ZCWPW2: variants seen among roughly 807,000 people sequenced by gnomAD.
ZCWPW2 encodes the protein zinc finger CW-type and PWWP domain containing 2.
ZCWPW2 carries 45 observed loss-of-function variants against 46.6 expected under a neutral mutation model. That is an observed-to-expected ratio of 0.96 (90% CI 0.76 to 1.24). ZCWPW2 has a LOEUF of 1.24. Ranked by LOEUF, ZCWPW2 falls within the 50% of genes most tolerant of loss-of-function variation. ZCWPW2 has a pLI of 0.00. For synonymous variants in ZCWPW2, 152 were observed against 137.1 expected, an observed-to-expected ratio of 1.11 and a Z score of -0.76; for missense variants, 429 against 403.9, an observed-to-expected ratio of 1.06 and a Z score of -0.53.
intron 2 of ZCWPW2, among the ~76,000 whole-genome samples, chr3:28,408,840 A>C (rs1696273043): frequency 1.3e-5 from 2 of 152,158 alleles, no homozygotes; most frequent in Admixed American, 1.3e-4. Flanking sequence ...GTTCACATAG[A>C]CTGTCAATAC....
intron 4 of ZCWPW2, among the ~76,000 whole-genome samples, chr3:28,462,838 T>C (rs549527185): frequency 3.3e-5 from 5 of 152,296 alleles, no homozygotes; most frequent in African/African-American, 9.6e-5. Context: ...TATGCAGAAA[T>C]AGCACAAACC....
At chr3:28,515,989 C>A (rs1041760005) in intron 8 of ZCWPW2, among the ~76,000 whole-genome samples, 2 of 152,004 alleles carry the variant, frequency 1.3e-5, no homozygotes, top group African/African-American at 4.8e-5. Flanking sequence ...GCCTGTAATC[C>A]TAGCACCTTG....
chr3:28,499,716 T>G (rs1261123584), intron 6 of ZCWPW2, among the ~76,000 whole-genome samples: 2 of 152,118 alleles, frequency 1.3e-5, no homozygotes, highest in African/African-American at 4.8e-5. Context: ...AGTCATGAAG[T>G]CTTTGCCCAT....
intron 1 of ZCWPW2, among the ~76,000 whole-genome samples, chr3:28,374,984 G>T (rs948520298): frequency 1.3e-5 from 2 of 151,262 alleles, no homozygotes; most frequent in South Asian, 2.1e-4. Flanking sequence ...TTTAATATTT[G>T]CTTTGTATAC....
chr3:28,405,886 T>G (rs1393962263), intron 2 of ZCWPW2, among the ~76,000 whole-genome samples: 1 of 152,128 alleles, frequency 6.6e-6, no homozygotes, highest in African/African-American at 2.4e-5. Flanking sequence ...AGAATGTTGG[T>G]AGAAATATAG....
intron 6 of ZCWPW2, among the ~76,000 whole-genome samples, chr3:28,497,071 A>G (rs1297982159): frequency 2.0e-5 from 3 of 149,980 alleles, no homozygotes; most frequent in Non-Finnish European, 4.4e-5. Context: ...TATAATACAT[A>G]AGTATTTATA....
chr3:28,417,057 CTTTTTTTT>C lies in ZCWPW2; in HGVS notation c.332+3667_332+3674del, dbSNP rs762824707. Among the ~76,000 whole-genome samples, 10 of 124,686 alleles carry C rather than the reference CTTTTTTTT, an allele frequency of 8.0e-5. No homozygotes were observed. In the South Asian group the frequency reaches 2.1e-3, roughly 26 times the overall value. The allele number at this position is 124,686 out of a possible 152,430, so 81.8% of individuals were successfully genotyped here. On this transcript the variant is annotated intron_variant, in intron 3 of 9. Transcript: ENST00000383768. ...AAATGAGTTAGGCAGGATTCCCTCT[CTTTTTTTT>C]TTTTTTTTTGAAAAGGTCAACAAAA... is the stretch of plus-strand genomic sequence containing the variant.
At chr3:28,505,097 T>G (rs2125827305) in intron 6 of ZCWPW2, among the ~76,000 whole-genome samples, 1 of 152,272 alleles carries the variant, frequency 6.6e-6, no homozygotes, top group South Asian at 2.1e-4. Flanking sequence ...ATCAAAGCCC[T>G]TTTATGCCTT....
chr3:28,401,569 A>T (rs1695937723), intron 2 of ZCWPW2, among the ~76,000 whole-genome samples: 1 of 152,208 alleles, frequency 6.6e-6, no homozygotes, highest in Admixed American at 6.5e-5. Flanking sequence ...TTTAAAGTAT[A>T]CCCTGGAACA....
chr3:28,409,205 T>G (rs1373816906), intron 2 of ZCWPW2, among the ~76,000 whole-genome samples: 2 of 148,950 alleles, frequency 1.3e-5, no homozygotes, highest in Non-Finnish European at 3.0e-5. Flanking sequence ...CTGCAACTTC[T>G]GCCTCTCTGG....
At chr3:28,516,625 A>G (rs1700581160) in intron 8 of ZCWPW2, among the ~76,000 whole-genome samples, 1 of 152,190 alleles carries the variant, frequency 6.6e-6, no homozygotes. Flanking sequence ...TATCAGTGAT[A>G]TATTCCCTTT....
chr3:28,366,693 G>A (rs62251136), intron 1 of ZCWPW2, among the ~76,000 whole-genome samples: 14,967 of 134,962 alleles, frequency 0.11, no homozygotes, highest in Admixed American at 0.17. Context: ...TTTTTCTATT[G>A]ATTGGAATAG....
intron 6 of ZCWPW2, among the ~76,000 whole-genome samples, chr3:28,501,747 A>G (rs1005738696): frequency 1.3e-5 from 2 of 152,062 alleles, no homozygotes; most frequent in African/African-American, 4.8e-5. Flanking sequence ...GTAAATCTTA[A>G]CATACAAAGT....
chr3:28,515,494 G>A (rs1435191293), intron 7 of ZCWPW2, 60 bp from the exon 8 acceptor site: 2 of 1,251,444 alleles, frequency 1.6e-6, no homozygotes, highest in East Asian at 2.4e-5. Flanking sequence ...AGGCACAAAT[G>A]GTCATTTAAA....
intron 3 of ZCWPW2, chr3:28,428,527 A>G (rs1482788627): frequency 6.6e-6 from 1 of 152,176 alleles, no homozygotes; most frequent in African/African-American, 2.4e-5. Context: ...AACTTCCTAG[A>G]ATCCGAATTT....
At chr3:28,420,576 T>A (rs1575113260) in intron 3 of ZCWPW2, among the ~76,000 whole-genome samples, 1 of 151,414 alleles carries the variant, frequency 6.6e-6, no homozygotes. Flanking sequence ...TTAATTATAC[T>A]TTATGTTGTT....
At chr3:28,370,472 C>G (rs1363328988) in intron 1 of ZCWPW2, among the ~76,000 whole-genome samples, 1 of 151,982 alleles carries the variant, frequency 6.6e-6, no homozygotes, top group Non-Finnish European at 1.5e-5. Flanking sequence ...CATATGGGCA[C>G]AAAAGAATAC....
intron 4 of ZCWPW2, chr3:28,460,967 G>T: frequency 3.9e-6 from 1 of 257,618 alleles, no homozygotes; most frequent in African/African-American, 2.2e-5. Flanking sequence ...TATTTCTTTA[G>T]ATTATGAGAT....
rs550255817 is a variant in ZCWPW2 at position 28,417,517 on chromosome 3, A to G, written c.332+4117A>G. 6.6e-5 allele frequency among the ~76,000 whole-genome samples: 10 copies of G among 152,192 alleles called. 1 individual carries two copies. The South Asian group carries it at 2.1e-3, about 32-fold the overall frequency. ...GGAATCTTCCCTAACTCATTTTATG[A>G]GGCCAGCATCATCCTGATACCAAAG... On this transcript the variant is annotated intron_variant, in intron 3 of 9. Coordinates refer to ENST00000383768, the MANE Select transcript of ZCWPW2 (RefSeq NM_001040432.4).
Sources: gnomAD v4.1 joint callset for allele counts (sites outside exome capture counted in the v4.1 genomes callset) on GRCh38, gnomAD v4.1.1 for gene constraint, MANE v1.5 for transcripts, NCBI Gene and HGNC (gene_info 2026-07-23, HGNC 2026-07-21) for gene names.